GALNTL6: variants seen among roughly 807,000 people sequenced by gnomAD.
GALNTL6 encodes polypeptide N-acetylgalactosaminyltransferase-like 6.
GALNTL6 carries 46 observed loss-of-function variants against 73.7 expected under a neutral mutation model. That is an observed-to-expected ratio of 0.62 (90% CI 0.49 to 0.80). GALNTL6 has a LOEUF of 0.80. Among genes scored for constraint, GALNTL6 ranks in the 30% least tolerant of loss-of-function variants. The pLI is 0.00. For missense variants in GALNTL6, 604 were observed against 755.0 expected (o/e 0.80, Z 2.34); for synonymous variants, 259 against 263.7 (o/e 0.98, Z 0.17).
At chr4:172,036,868 T>C (rs1394319263) in intron 2 of GALNTL6, among the ~76,000 whole-genome samples, 1 of 152,190 alleles carries the variant, frequency 6.6e-6, no homozygotes, top group Non-Finnish European at 1.5e-5. Context: ...ATAATATCTC[T>C]TTTGGGGACT....
At chr4:172,563,308 C>T (rs1480832108) in intron 5 of GALNTL6, among the ~76,000 whole-genome samples, 1 of 152,234 alleles carries the variant, frequency 6.6e-6, no homozygotes, top group Non-Finnish European at 1.5e-5. Flanking sequence ...AAACAATAAT[C>T]CCTGTTATTG....
chr4:172,276,523 A>G (rs1375466988), intron 3 of GALNTL6, among the ~76,000 whole-genome samples: 1 of 152,226 alleles, frequency 6.6e-6, no homozygotes, highest in Admixed American at 6.5e-5. Flanking sequence ...AATCTTAAAA[A>G]TTGCTCAACC....
chr4:172,390,150 A>C (rs745615657), intron 5 of GALNTL6, among the ~76,000 whole-genome samples: 9 of 152,200 alleles, frequency 5.9e-5, no homozygotes, highest in Non-Finnish European at 1.0e-4. Context: ...ACCCAAAGAA[A>C]ATAACATAAA....
intron 3 of GALNTL6, among the ~76,000 whole-genome samples, chr4:172,272,048 G>C (rs752544164): frequency 6.6e-6 from 1 of 151,986 alleles, no homozygotes; most frequent in Non-Finnish European, 1.5e-5. Context: ...CGCCTCCCAG[G>C]TTCAAGTGAT....
intron 5 of GALNTL6, among the ~76,000 whole-genome samples, chr4:172,737,365 C>T (rs1374197627): frequency 6.6e-6 from 1 of 151,822 alleles, no homozygotes; most frequent in African/African-American, 2.4e-5. Context: ...TCTTTGAACT[C>T]ACTGATTCTT....
chr4:172,522,750 TACC>T lies in GALNTL6; in HGVS notation c.553+174064_553+174066del, dbSNP rs1171867208. 1.4e-4 allele frequency among the ~76,000 whole-genome samples: 21 copies of T among 150,752 alleles called. No homozygotes were observed. The East Asian group carries it at 3.8e-3, about 27-fold the overall frequency. ...GGGTTTTCATTCAATGTTGATTTAT[TACC>T]ACGCCATTTGTCATTTAAAAGGTGT... On this transcript the variant is annotated intron_variant, in intron 5 of 12. Coordinates refer to ENST00000506823, the MANE Select transcript of GALNTL6 (RefSeq NM_001034845.3).
At chr4:172,730,166 T>A (rs1736063427) in intron 5 of GALNTL6, among the ~76,000 whole-genome samples, 1 of 152,280 alleles carries the variant, frequency 6.6e-6, no homozygotes. Flanking sequence ...AAGAGTGTGT[T>A]TTTTGCTAAC....
At chr4:172,075,964 A>AGAGATAGTTTACAT (rs1731689856) in intron 2 of GALNTL6, among the ~76,000 whole-genome samples, 1 of 152,216 alleles carries the variant, frequency 6.6e-6, no homozygotes, top group Non-Finnish European at 1.5e-5. Context: ...CAGCTCTTTA[A>AGAGATAGTTTACAT]TGTATTCACA....
At chr4:172,749,268 C>T (rs1737292097) in intron 5 of GALNTL6, among the ~76,000 whole-genome samples, 2 of 151,962 alleles carry the variant, frequency 1.3e-5, no homozygotes, top group Non-Finnish European at 2.9e-5. Context: ...TCCTCCATAC[C>T]TACGATATCC....
chr4:172,874,921 G>A (rs954472395), intron 7 of GALNTL6, among the ~76,000 whole-genome samples: 4 of 152,192 alleles, frequency 2.6e-5, no homozygotes, highest in Middle Eastern at 3.2e-3. Context: ...AGGTCCCAGG[G>A]CAACCTTCCC....
intron 12 of GALNTL6, among the ~76,000 whole-genome samples, chr4:173,035,265 G>A (rs1422486966): frequency 2.7e-5 from 4 of 149,038 alleles, no homozygotes; most frequent in Non-Finnish European, 5.9e-5. Context: ...CGCAACCTCC[G>A]CCTCCCAGGT....
At chr4:172,847,407 C>G (rs924069750) in intron 7 of GALNTL6, among the ~76,000 whole-genome samples, 2 of 152,010 alleles carry the variant, frequency 1.3e-5, no homozygotes, top group African/African-American at 4.8e-5. Context: ...AGTTAAGACA[C>G]GTGCACAAAT....
At chr4:172,735,163 C>G (rs1040881366) in intron 5 of GALNTL6, among the ~76,000 whole-genome samples, 6 of 152,228 alleles carry the variant, frequency 3.9e-5, no homozygotes, top group South Asian at 4.2e-4. Context: ...CACTATGCAC[C>G]TGGAAAAGCT....
intron 5 of GALNTL6, among the ~76,000 whole-genome samples, chr4:172,585,905 A>T (rs1007280174): frequency 6.6e-6 from 1 of 152,238 alleles, no homozygotes; most frequent in African/African-American, 2.4e-5. Context: ...AACATATGAA[A>T]AAAAAGCTCA....
intron 10 of GALNTL6, among the ~76,000 whole-genome samples, chr4:172,990,274 A>G (rs1736504569): frequency 6.6e-6 from 1 of 152,238 alleles, no homozygotes; most frequent in Non-Finnish European, 1.5e-5. Flanking sequence ...AAGAAAACTC[A>G]CGGGTAGTTT....
At chr4:172,609,625 C>CTGTG (rs35490374) in intron 5 of GALNTL6, among the ~76,000 whole-genome samples, 1,300 of 92,746 alleles carry the variant, frequency 0.014, 31 homozygotes, top group African/African-American at 0.034. Context: ...CTCTCTCTCT[C>CTGTG]TGTGTGTGTG....
chr4:172,627,938 CA>C (rs33949290), intron 5 of GALNTL6, among the ~76,000 whole-genome samples: 54,948 of 150,218 alleles, frequency 0.37, 11,027 homozygotes, highest in African/African-American at 0.52. Context: ...TTTATCCTTT[CA>C]AAAAAAAAAC....
At chr4:172,983,203 G>T (rs1751147434) in intron 10 of GALNTL6, among the ~76,000 whole-genome samples, 1 of 152,110 alleles carries the variant, frequency 6.6e-6, no homozygotes, top group Non-Finnish European at 1.5e-5. Context: ...GCCACCACAA[G>T]CCAAGGAATG....
intron 8 of GALNTL6, among the ~76,000 whole-genome samples, chr4:172,904,723 G>A (rs1272712592): frequency 6.6e-6 from 1 of 151,582 alleles, no homozygotes; most frequent in Non-Finnish European, 1.5e-5. Context: ...CCCAGGCCCA[G>A]TATTATGTAG....
Sources: allele counts gnomAD v4.1 joint callset (sites outside exome capture counted in the v4.1 genomes callset), GRCh38; gene constraint gnomAD v4.1.1; transcripts MANE v1.5; gene names NCBI Gene and HGNC (gene_info 2026-07-23, HGNC 2026-07-21).